Variants in ACIN1 observed in about 807,000 individuals in gnomAD.
ACIN1 encodes the protein apoptotic chromatin condensation inducer in the nucleus.
In ACIN1, 16 loss-of-function variants were observed where a neutral mutation model predicts 146.6. The ratio of observed to expected loss-of-function variants is 0.11; its 90% CI spans 0.07 to 0.17. ACIN1 has a LOEUF of 0.17. Among genes scored for constraint, ACIN1 ranks in the 10% least tolerant of loss-of-function variants. ACIN1 has a pLI of 1.00. For missense variants in ACIN1, 1,357 were observed against 1,609.3 expected (o/e 0.84, Z 2.68); for synonymous variants, 569 against 582.7 (o/e 0.98, Z 0.34).
At chr14:23,062,811 G>T in intron 14 of ACIN1, 118 bp downstream of exon 14, 1 of 1,205,446 alleles carries the variant, frequency 8.3e-7, no homozygotes, top group Non-Finnish European at 1.2e-6. Context: ...CTCAAGATCA[G>T]TGAGTAACTT....
chr14:23,068,821 A>G lies in ACIN1; in HGVS notation c.2265+655T>C. ...TCCCACCTTGTTACCCCTCTCCTAA[A>G]CCCAGCTCATTCTTTCTCAATTACT... On this transcript the variant is annotated intron_variant, in intron 9 of 18. Transcript: ENST00000605057. The surrounding 1 kb of genome is among the most constrained non-coding windows in gnomAD (Gnocchi z 4.3). 1 of 985,224 alleles carries G rather than the reference A, an allele frequency of 1.0e-6. No individual in the cohort carries two copies. Among genetic ancestry groups the G allele is most frequent in the Non-Finnish European group, 1.2e-6 (1 of 829,912 alleles). 61.0% of individuals were successfully genotyped at this position (985,224 alleles called of 1,614,324 possible).
rs566549950 is a variant in ACIN1, at chr14:23,064,055, G to A, written c.2595+50C>T. On this transcript the variant is annotated intron_variant, in intron 12 of 18. Transcript: ENST00000605057. The stretch of plus-strand genomic sequence containing the variant: ...TCTCAGCTCCTCAGCTAGCTGCTCT[G>A]CATCTACTGCTCCCACCTTTCCCCT... The A allele has an allele frequency of 3.1e-4, 500 of 1,607,694 alleles. 9 individuals are homozygous for A. In the South Asian group the frequency reaches 5.2e-3, roughly 17 times the overall value.
rs774169396 is a variant in ACIN1, at chr14:23,061,638, G to A, written c.3100-16C>T. ...GATAATCCAGCTGTGGGGAGAGGAG[G>A]GACAAGGACAGTTAGGATAGAGGTG... is the stretch of plus-strand genomic sequence containing the variant. On this transcript the variant is annotated splice_polypyrimidine_tract_variant and intron_variant, in intron 16 of 18. Coordinates refer to ENST00000605057, the MANE Select transcript of ACIN1 (RefSeq NM_001386863.1). 5 of 1,511,738 alleles carry A rather than the reference G, an allele frequency of 3.3e-6. No homozygotes were observed. The highest frequency in any genetic ancestry group is 2.1e-5 in the Admixed American group (1 of 47,036). The allele number at this position is 1,511,738 out of a possible 1,614,324, so 93.6% of individuals were successfully genotyped here.
At chr14:23,064,913 A>C (rs1162801376) in intron 10 of ACIN1, among the ~76,000 whole-genome samples, 1 of 151,978 alleles carries the variant, frequency 6.6e-6, no homozygotes, top group East Asian at 1.9e-4. Context: ...AAAAAAAGAA[A>C]AGAAATCATA....
At chr14:23,071,616 AG>A (rs1183834653) in intron 8 of ACIN1, 35 of 1,469,522 alleles carry the variant, frequency 2.4e-5, no homozygotes, top group Non-Finnish European at 2.9e-5. Flanking sequence ...GCAGCAGGGG[AG>A]GGGAAAGAAA....
chr14:23,087,251 T>C (rs17093523), intron 4 of ACIN1, among the ~76,000 whole-genome samples: 4,640 of 152,264 alleles, frequency 0.03, 230 homozygotes, highest in African/African-American at 0.095. Flanking sequence ...TAAGCACTGA[T>C]AGAATTCCAA....
In ACIN1 at chr14:23,078,163, A is replaced by C; in HGVS notation, c.2111T>G (p.Ile704Ser). 6.2e-7 allele frequency: 1 copy of C among 1,614,142 alleles called. No individual in the cohort carries two copies. The highest frequency in any genetic ancestry group is 8.5e-7 in the Non-Finnish European group (1 of 1,179,990). The change falls in exon 8 of 19, where the codon ATT becomes AGT. Residue 704 changes from isoleucine (I) to serine (S), a missense_variant. Ile to Ser is a moderately radical substitution (Grantham distance 142). Coordinates refer to ENST00000605057, the MANE Select transcript of ACIN1 (RefSeq NM_001386863.1). ...QTSHLPESER[I>S]HHTVEEKEEV... ...ATATATCACTTACACAGTGTGATGAATTCTTTCTGATTCTGGCAGATGAGA... is the reference window on the plus strand; with the variant it reads ...ATATATCACTTACACAGTGTGATGACTTCTTTCTGATTCTGGCAGATGAGA...
intron 10 of ACIN1, 136 bp from the exon 11 acceptor site, chr14:23,064,624 T>C: frequency 7.7e-7 from 1 of 1,290,418 alleles, no homozygotes; most frequent in Non-Finnish European, 1.1e-6. Flanking sequence ...GGAGGCTGAG[T>C]GTGGTGGCTC....
In ACIN1 at chr14:23,059,085, C is replaced by T. The variant is rs1461913616; in HGVS notation, c.*63G>A. ...CAGGGTGGTGGAGACTGTGCCTATC[C>T]CTCTGTGGCCATAACCCCCTGGGGC... On this transcript the variant is annotated 3_prime_UTR_variant, in exon 19 of 19. Coordinates refer to ENST00000605057, the MANE Select transcript of ACIN1 (RefSeq NM_001386863.1). 4.0e-6 allele frequency: 6 copies of T among 1,507,456 alleles called. No individual in the cohort carries two copies. The highest frequency in any genetic ancestry group is 1.7e-5 in the Admixed American group (1 of 58,218). 93.4% of individuals were successfully genotyped at this position (1,507,456 alleles called of 1,614,324 possible).
intron 9 of ACIN1, chr14:23,069,245 T>C: frequency 8.1e-7 from 1 of 1,231,450 alleles, no homozygotes; most frequent in South Asian, 3.4e-5. Flanking sequence ...GTCTAGAGTC[T>C]GGGCACTACT....
intron 4 of ACIN1, among the ~76,000 whole-genome samples, chr14:23,083,889 G>C (rs1263125462): frequency 1.3e-5 from 2 of 152,048 alleles, no homozygotes; most frequent in Admixed American, 6.5e-5. Flanking sequence ...AAACCATGTT[G>C]TATAGTAATA....
In ACIN1 at chr14:23,082,914, AT is replaced by A. The variant is rs551921510; in HGVS notation, c.437-1079del. On this transcript the variant is annotated intron_variant, in intron 4 of 18. Transcript: ENST00000605057. The stretch of plus-strand genomic sequence containing the variant: ...GCCACCATACCTGGCTAATTTCGGT[AT>A]TTTTTACAGAGGCGGGGTTTCATCA... Among the ~76,000 whole-genome samples, 35 of 147,184 alleles carry A rather than the reference AT, an allele frequency of 2.4e-4. No individual in the cohort carries two copies. In the East Asian group the frequency reaches 7.1e-3, roughly 30 times the overall value.
At chr14:23,063,996 T>C in intron 12 of ACIN1, 109 bp downstream of exon 12, 4 of 1,471,490 alleles carry the variant, frequency 2.7e-6, no homozygotes, top group South Asian at 1.3e-5. Context: ...CCCAACCCTC[T>C]GCACAGACAG....
intron 8 of ACIN1, 67 bp downstream of exon 8, chr14:23,078,084 T>C (rs2047844922): frequency 1.4e-6 from 2 of 1,440,162 alleles, no homozygotes; most frequent in Non-Finnish European, 1.9e-6. Flanking sequence ...CAAAGAACCC[T>C]AGGGAGCGAA....
chr14:23,095,209 G>A (rs534525661), upstream of ACIN1: 1 of 1,614,088 alleles, frequency 6.2e-7, no homozygotes, highest in African/African-American at 1.3e-5. Context: ...CCCGCCCACT[G>A]CCATACTCTA....
chr14:23,074,240 G>A (rs767393473), intron 8 of ACIN1, among the ~76,000 whole-genome samples: 32 of 151,612 alleles, frequency 2.1e-4, no homozygotes, highest in Non-Finnish European at 5.9e-5. Context: ...TCAATTCTGT[G>A]GGACCCAACA....
Position 23,080,137 on chromosome 14 carries a change from C to T in ACIN1, c.1198G>A (p.Asp400Asn), listed in dbSNP as rs574790490. The T allele has an allele frequency of 8.1e-6, 13 of 1,614,132 alleles. No homozygotes were observed. In the East Asian group the frequency reaches 2.5e-4, roughly 30 times the overall value. The change falls in exon 6 of 19, where the codon GAT becomes AAT. Residue 400 changes from aspartate to asparagine, a missense_variant. Asp to Asn is a conservative substitution (Grantham distance 23). Around this residue, in one of 4 missense-constraint regions of ACIN1, gnomAD observed 771 missense variants for 746.6 expected, o/e 1.03. Transcript: ENST00000605057. ...VLIQLSPPNTDADTRELLVSQ... is the reference protein window; with the variant it reads ...VLIQLSPPNTNADTRELLVSQ... The stretch of plus-strand genomic sequence containing the variant: ...ACTAATAGCTCCCTGGTGTCAGCAT[C>T]TGTATTAGGAGGAGATAACTGAATG...
chr14:23,066,157 C>CA, intron 9 of ACIN1, 149 bp from the exon 10 acceptor site: 1 of 618,372 alleles, frequency 1.6e-6, no homozygotes, highest in Non-Finnish European at 2.8e-6. Flanking sequence ...CAGAGACAGA[C>CA]AGAGACCAAA....
rs1337104412 is a variant in ACIN1, at chr14:23,093,469, T to G, written c.204+10A>C. ...AGGGCCCACTCCATTGAATACACCT[T>G]CTTTCTCACCTGGGAATTTGGCTGG... On this transcript the variant is annotated intron_variant, in intron 2 of 18. Transcript: ENST00000605057. The G allele has an allele frequency of 3.7e-6, 6 of 1,612,922 alleles. No individual in the cohort carries two copies. Among genetic ancestry groups the G allele is most frequent in the Non-Finnish European group, 4.2e-6 (5 of 1,179,042 alleles).
Sources: gnomAD v4.1 joint callset for allele counts (sites outside exome capture counted in the v4.1 genomes callset) on GRCh38, gnomAD v4.1.1 for gene constraint, gnomAD v4.1.1 regional missense constraint, Gnocchi (gnomAD v3.1) non-coding constraint, MANE v1.5 for transcripts, NCBI Gene and HGNC (gene_info 2026-07-23, HGNC 2026-07-21) for gene names.